ENTREP2: variants seen among roughly 807,000 people sequenced by gnomAD.
ENTREP2 encodes endosomal transmembrane epsin interactor 2.
chr15:29,565,662 A>G, the ENTREP2 span, among the ~76,000 whole-genome samples: 1 of 152,216 alleles, frequency 6.6e-6, no homozygotes, highest in Admixed American at 6.5e-5. Flanking sequence ...TTGTTTTTAA[A>G]AAGAAAAGAA....
the ENTREP2 span, among the ~76,000 whole-genome samples, chr15:29,472,503 T>C: frequency 1.4e-5 from 2 of 146,640 alleles, no homozygotes; most frequent in Admixed American, 1.4e-4. Flanking sequence ...CTCGCTCTGT[T>C]GCCCAGGCTG....
At chr15:29,631,385 A>G in the ENTREP2 span, among the ~76,000 whole-genome samples, 1 of 152,148 alleles carries the variant, frequency 6.6e-6, no homozygotes, top group African/African-American at 2.4e-5. Context: ...TGTCTTCTTT[A>G]AAGTTTCCAT....
chr15:29,489,644 A>G, the ENTREP2 span, among the ~76,000 whole-genome samples: 5 of 152,316 alleles, frequency 3.3e-5, no homozygotes, highest in East Asian at 9.6e-4. Context: ...TTACGCACAA[A>G]ATGTCATGTC....
the ENTREP2 span, among the ~76,000 whole-genome samples, chr15:29,577,120 A>T: frequency 6.2e-4 from 90 of 146,290 alleles, no homozygotes; most frequent in South Asian, 8.2e-3. Flanking sequence ...TATATTATTT[A>T]AAAAAAAAAA....
chr15:29,360,192 A>AAAG, the ENTREP2 span, among the ~76,000 whole-genome samples: 1 of 152,230 alleles, frequency 6.6e-6, no homozygotes, highest in East Asian at 1.9e-4. Context: ...TCACAGTTAT[A>AAAG]ATAATTTTTT....
chr15:29,527,935 C>A, the ENTREP2 span, among the ~76,000 whole-genome samples: 2 of 152,048 alleles, frequency 1.3e-5, no homozygotes, highest in African/African-American at 4.8e-5. Flanking sequence ...GCTGATGAGA[C>A]CTTGCTTCAC....
At chr15:29,287,805 A>G in the ENTREP2 span, among the ~76,000 whole-genome samples, 2 of 152,228 alleles carry the variant, frequency 1.3e-5, no homozygotes, top group Admixed American at 1.3e-4. Context: ...ATAGCAAAAC[A>G]AGTCTGAACA....
At chr15:29,401,137 G>A in the ENTREP2 span, among the ~76,000 whole-genome samples, 2 of 152,040 alleles carry the variant, frequency 1.3e-5, no homozygotes, top group Admixed American at 6.6e-5. Flanking sequence ...ATAATGGCTC[G>A]CTACTGTCAA....
At chr15:29,310,396 G>A in the ENTREP2 span, among the ~76,000 whole-genome samples, 77 of 152,314 alleles carry the variant, frequency 5.1e-4, no homozygotes, top group African/African-American at 1.8e-3. Flanking sequence ...ACGCTCACTG[G>A]AGCAGAACTG....
At chr15:29,547,681 C>A in the ENTREP2 span, among the ~76,000 whole-genome samples, 1 of 152,134 alleles carries the variant, frequency 6.6e-6, no homozygotes, top group African/African-American at 2.4e-5. Flanking sequence ...AACAATTTGT[C>A]TGTTCCTCAA....
chr15:29,661,671 A>G, the ENTREP2 span, among the ~76,000 whole-genome samples: 338 of 152,306 alleles, frequency 2.2e-3, 3 homozygotes, highest in African/African-American at 7.8e-3. Flanking sequence ...ACACACATAC[A>G]CACACATTTA....
chr15:29,234,142 A>G, the ENTREP2 span: 7 of 1,560,694 alleles, frequency 4.5e-6, no homozygotes, highest in African/African-American at 1.4e-5. Flanking sequence ...TCTGCTCTCC[A>G]TGTCATTCTC....
the ENTREP2 span, among the ~76,000 whole-genome samples, chr15:29,262,279 T>G: frequency 2.0e-5 from 3 of 152,210 alleles, no homozygotes; most frequent in Admixed American, 2.0e-4. Context: ...CTCTCTGACC[T>G]TCTCCTGTCT....
chr15:29,505,371 G>A, the ENTREP2 span, among the ~76,000 whole-genome samples: 2 of 152,240 alleles, frequency 1.3e-5, no homozygotes, highest in Non-Finnish European at 2.9e-5. The surrounding 1 kb of genome is among the most constrained non-coding windows in gnomAD (Gnocchi z 4.3). Flanking sequence ...TCTGAAGACA[G>A]CAGTGGATCT....
the ENTREP2 span, chr15:29,234,389 T>G: frequency 6.4e-7 from 1 of 1,557,222 alleles, no homozygotes; most frequent in Non-Finnish European, 8.9e-7. Context: ...GGACTTATTA[T>G]TAAGATGGGA....
chr15:29,613,029 C>T, the ENTREP2 span, among the ~76,000 whole-genome samples: 7 of 152,122 alleles, frequency 4.6e-5, no homozygotes, highest in Non-Finnish European at 1.0e-4. Context: ...CATCCTAACT[C>T]CCCCAGAATT....
the ENTREP2 span, among the ~76,000 whole-genome samples, chr15:29,671,057 TG>T: frequency 1.3e-5 from 2 of 152,290 alleles, no homozygotes; most frequent in African/African-American, 4.8e-5. Flanking sequence ...GGCTGGAGAT[TG>T]GGTTAATCAC....
the ENTREP2 span, among the ~76,000 whole-genome samples, chr15:29,456,607 C>T: frequency 1.3e-5 from 2 of 152,230 alleles, no homozygotes; most frequent in African/African-American, 4.8e-5. Flanking sequence ...ACAGTGCCCC[C>T]TCCCAGGTGT....
the ENTREP2 span, among the ~76,000 whole-genome samples, chr15:29,259,069 T>C: frequency 2.0e-5 from 3 of 152,316 alleles, no homozygotes; most frequent in African/African-American, 7.2e-5. Context: ...TCCAGAGGGA[T>C]AATCTGATAA....
Sources: gnomAD v4.1 joint callset for allele counts (sites outside exome capture counted in the v4.1 genomes callset) on GRCh38, gnomAD v4.1.1 for gene constraint, Gnocchi (gnomAD v3.1) non-coding constraint, MANE v1.5 for transcripts, NCBI Gene and HGNC (gene_info 2026-07-23, HGNC 2026-07-21) for gene names.